Variants in PKD2 observed in about 807,000 individuals in gnomAD.
The protein encoded by PKD2 is polycystin-2.
A neutral mutation model predicts 105.9 loss-of-function variants in PKD2; 48 were observed. That is an observed-to-expected ratio of 0.45 (90% CI 0.36 to 0.58). The LOEUF is 0.58. PKD2 is among the 20% of genes least tolerant of loss of function. The probability of loss-of-function intolerance (pLI) is 0.00; values close to 1 mark genes in which losing one functional copy is unlikely to be tolerated. For synonymous variants in PKD2, 464 were observed against 481.1 expected, an observed-to-expected ratio of 0.96 and a Z score of 0.46; for missense variants, 1,078 against 1,255.3, an observed-to-expected ratio of 0.86 and a Z score of 2.13.
Position 88,030,276 on chromosome 4 carries a change from T to A in PKD2, c.710-5944T>A, listed in dbSNP as rs372387124. 1.9e-4 allele frequency among the ~76,000 whole-genome samples: 29 copies of A among 152,144 alleles called. No individual in the cohort carries two copies. The East Asian group carries it at 5.0e-3, about 26-fold the overall frequency. On this transcript the variant is annotated intron_variant, in intron 2 of 14. Transcript: ENST00000237596. ...CCTCCTGCCTCAGCCTCCCATGTAG[T>A]TGGGACCACAGGCACCTACCACCCA...
intron 2 of PKD2, among the ~76,000 whole-genome samples, chr4:88,028,946 C>T (rs550711069): frequency 1.3e-5 from 2 of 152,294 alleles, no homozygotes; most frequent in South Asian, 4.1e-4. Flanking sequence ...AGCCTTTACC[C>T]CTTAAAGATT....
chr4:88,074,830 C>T lies in PKD2; in HGVS notation c.2541C>T (p.Asp847=), dbSNP rs1193088925. 2 of 1,614,012 alleles carry T rather than the reference C, an allele frequency of 1.2e-6. No homozygotes were observed. Among genetic ancestry groups the T allele is most frequent in the Admixed American group, 1.7e-5 (1 of 60,016 alleles). ...CTTGCAGCCTGGTGAGACGAGTGGA[C>T]CGGATGGAGCATTCCATCGGCAGCA... ...EEFQVLVRRV[D]RMEHSIGSIV... is the part of the protein sequence containing the mutation. Residue 847 remains aspartate (D), a synonymous_variant, in exon 14 of 15, where the codon GAC becomes GAT. Transcript: ENST00000237596.
rs565598868 is a variant in PKD2, at chr4:88,018,755, T to C, written c.596-703T>C. 4.6e-5 allele frequency among the ~76,000 whole-genome samples: 7 copies of C among 152,326 alleles called. No individual in the cohort carries two copies. In the East Asian group the frequency reaches 1.3e-3, roughly 29 times the overall value. ...TCTGCTAAAATGTAGAACATGGTTG[T>C]TGATTCTACTCTTTCTACAAAGAAA... is the stretch of plus-strand genomic sequence containing the variant. On this transcript the variant is annotated intron_variant, in intron 1 of 14. Transcript: ENST00000237596.
chr4:88,048,126 T>G (rs938763374), intron 6 of PKD2, among the ~76,000 whole-genome samples: 1 of 152,260 alleles, frequency 6.6e-6, no homozygotes, highest in African/African-American at 2.4e-5. Flanking sequence ...GCTTACAAGC[T>G]TTGCTTGGCA....
In PKD2 at chr4:88,008,307, A is replaced by C; in HGVS notation, c.574A>C (p.Arg192=). Residue 192 remains arginine (R), a synonymous_variant, in exon 1 of 15, where the codon AGG becomes CGG. Transcript: ENST00000237596. ...GQPPRVAWAE[R]LVRGLRGLWG... is the part of the protein sequence containing the mutation. Reference sequence around the variant, plus strand: ...GCCGCCCCGAGTGGCCTGGGCGGAGAGGCTGGTTCGCGGGCTGCGAGGTAA... The same window carrying C: ...GCCGCCCCGAGTGGCCTGGGCGGAGCGGCTGGTTCGCGGGCTGCGAGGTAA... 1.3e-6 allele frequency: 2 copies of C among 1,503,728 alleles called. No homozygotes were observed. Among genetic ancestry groups the C allele is most frequent in the South Asian group, 1.2e-5 (1 of 81,208 alleles). The allele number at this position is 1,503,728 out of a possible 1,614,324, so 93.1% of individuals were successfully genotyped here.
intron 13 of PKD2, 104 bp from the exon 14 acceptor site, chr4:88,074,708 G>A: frequency 1.7e-6 from 2 of 1,171,748 alleles, no homozygotes; most frequent in Non-Finnish European, 2.6e-6. Flanking sequence ...TCAAATGATT[G>A]TGTTGCTTAA....
rs370201144 is a variant in PKD2, at chr4:88,072,132, G to A, written c.2523-2680G>A. 4.0e-5 allele frequency among the ~76,000 whole-genome samples: 6 copies of A among 151,862 alleles called. No homozygotes were observed. The South Asian group carries it at 8.3e-4, about 21-fold the overall frequency. On this transcript the variant is annotated intron_variant, in intron 13 of 14. Transcript: ENST00000237596. ...CAAGTAGCTAGGACTACAGGTGCAC[G>A]CCACCATGCCTGGTTAATTTTTGCA... is the stretch of plus-strand genomic sequence containing the variant.
chr4:88,035,994 T>C (rs1727317226), intron 2 of PKD2: 2 of 610,856 alleles, frequency 3.3e-6, no homozygotes, highest in Non-Finnish European at 5.7e-6. Flanking sequence ...GCCAATTTTG[T>C]TTCCCATAAG....
At chr4:88,046,567 C>A in intron 5 of PKD2, 75 bp from the exon 6 acceptor site, 1 of 900,380 alleles carries the variant, frequency 1.1e-6, no homozygotes, top group Non-Finnish European at 1.9e-6. Flanking sequence ...ATGAACAGAA[C>A]AGATGGACAT....
At chr4:88,046,202 A>G (rs530641433) in intron 5 of PKD2, among the ~76,000 whole-genome samples, 1 of 152,268 alleles carries the variant, frequency 6.6e-6, no homozygotes, top group Non-Finnish European at 1.5e-5. Context: ...AGGCAGGAGA[A>G]TCCCTTGAGC....
intron 7 of PKD2, among the ~76,000 whole-genome samples, chr4:88,054,036 G>A (rs990516482): frequency 2.6e-5 from 4 of 151,948 alleles, no homozygotes; most frequent in Admixed American, 6.6e-5. Flanking sequence ...TGCTGCCTGA[G>A]AATTACTGAA....
intron 5 of PKD2, among the ~76,000 whole-genome samples, chr4:88,045,831 A>C (rs751288028): frequency 1.4e-4 from 22 of 152,194 alleles, no homozygotes; most frequent in Admixed American, 2.6e-4. Context: ...AGGACAAACT[A>C]TTTGATGCTA....
At chr4:88,030,632 A>T (rs776983591) in intron 2 of PKD2, among the ~76,000 whole-genome samples, 7 of 152,160 alleles carry the variant, frequency 4.6e-5, no homozygotes, top group Non-Finnish European at 8.8e-5. Flanking sequence ...AAATCAACTC[A>T]AGGACCAGAT....
intron 3 of PKD2, among the ~76,000 whole-genome samples, chr4:88,037,299 A>T (rs1444385808): frequency 6.6e-6 from 1 of 152,188 alleles, no homozygotes; most frequent in South Asian, 2.1e-4. Context: ...TGTGAAGTTC[A>T]ACCCAATCCA....
In PKD2 at chr4:88,040,374, A is replaced by T. The variant is rs542518906; in HGVS notation, c.1094+1873A>T. On this transcript the variant is annotated intron_variant, in intron 4 of 14. Coordinates refer to ENST00000237596, the MANE Select transcript of PKD2 (RefSeq NM_000297.4). ...TGCTGTATTCTCAAAGCCTTGAACA[A>T]TGCCTCATATGTAAAGATACTAATA... Among the ~76,000 whole-genome samples the T allele has an allele frequency of 1.7e-4, 26 of 152,326 alleles. No homozygotes were observed. In the South Asian group the frequency reaches 5.2e-3, roughly 30 times the overall value.
chr4:88,062,034 T>C, intron 10 of PKD2, 30 bp downstream of exon 10: 1 of 1,041,392 alleles, frequency 9.6e-7, no homozygotes, highest in African/African-American at 1.6e-5. Context: ...TCAGAATTCT[T>C]CTGTTTCTGA....
In PKD2 at chr4:88,013,068, C is replaced by T. The variant is rs918832512; in HGVS notation, c.595+4740C>T. ...TTTGCGGTTTTTTTCCACCTTTCGACTGTTGTGACTTTCCGTTTATTTTTA... is the reference window on the plus strand; with the variant it reads ...TTTGCGGTTTTTTTCCACCTTTCGATTGTTGTGACTTTCCGTTTATTTTTA... On this transcript the variant is annotated intron_variant, in intron 1 of 14. Transcript: ENST00000237596. 2.6e-5 allele frequency among the ~76,000 whole-genome samples: 4 copies of T among 152,280 alleles called. No individual in the cohort carries two copies. The East Asian group carries it at 7.7e-4, about 29-fold the overall frequency.
chr4:88,031,678 C>A (rs1300824775), intron 2 of PKD2, among the ~76,000 whole-genome samples: 1 of 152,090 alleles, frequency 6.6e-6, no homozygotes, highest in African/African-American at 2.4e-5. Context: ...TTAATTCAAA[C>A]CCTTAATATT....
Position 88,007,657 on chromosome 4 carries a change from G to A in PKD2, c.-77G>A, listed in dbSNP as rs1375454555. ...AGCAGGCGGCGGCGGGCGCCGGGAAGAAAGGAACATGGCTCCTGAGGCGCA... is the reference window on the plus strand; with the variant it reads ...AGCAGGCGGCGGCGGGCGCCGGGAAAAAAGGAACATGGCTCCTGAGGCGCA... On this transcript the variant is annotated 5_prime_UTR_variant, in exon 1 of 15. Transcript: ENST00000237596. 2 of 985,884 alleles carry A rather than the reference G, an allele frequency of 2.0e-6. No homozygotes were observed. The highest frequency in any genetic ancestry group is 1.8e-5 in the African/African-American group (1 of 57,092). The allele number at this position is 985,884 out of a possible 1,614,324, so 61.1% of individuals were successfully genotyped here.
Sources: gnomAD v4.1 joint callset for allele counts (sites outside exome capture counted in the v4.1 genomes callset) on GRCh38, gnomAD v4.1.1 for gene constraint, MANE v1.5 for transcripts, NCBI Gene and HGNC (gene_info 2026-07-23, HGNC 2026-07-21) for gene names.